The following HK1 variants were observed in gnomAD, a reference collection of about 807,000 sequenced individuals.
HK1 encodes hexokinase 1, also known as hexokinase-1.
Under a neutral mutation model 91.6 loss-of-function variants are expected in HK1, and 28 were observed. The observed-to-expected ratio is 0.31, with a 90% confidence interval of 0.23 to 0.42. The LOEUF (loss-of-function observed/expected upper bound fraction) is 0.42. HK1 is among the 10% of genes least tolerant of loss of function. HK1 has a pLI of 1.00. For missense variants in HK1, 770 were observed against 1,219.8 expected (o/e 0.63, Z 5.49); for synonymous variants, 430 against 468.1 (o/e 0.92, Z 1.05).
At chr10:69,372,837 G>C (rs1033009008) in intron 7 of HK1, among the ~76,000 whole-genome samples, 2 of 152,042 alleles carry the variant, frequency 1.3e-5, no homozygotes, top group Admixed American at 6.6e-5. Flanking sequence ...CTCCCTGGGC[G>C]ATTCCAATTT....
At chr10:69,357,642 A>AG (rs1491256363) in intron 2 of HK1, among the ~76,000 whole-genome samples, 1 of 152,020 alleles carries the variant, frequency 6.6e-6, no homozygotes, top group Non-Finnish European at 1.5e-5. Context: ...TGGTAGAGAC[A>AG]GGGGCTCGCC....
intron 5 of HK1, among the ~76,000 whole-genome samples, chr10:69,303,214 T>C (rs1189363166): frequency 6.6e-6 from 1 of 152,128 alleles, no homozygotes; most frequent in Admixed American, 6.6e-5. Flanking sequence ...GGGAGGCTGA[T>C]ATGGGGCAGC....
Position 69,382,700 on chromosome 10 carries a change from C to G in HK1, c.1479C>G (p.Ala493=), listed in dbSNP as rs141299323. ...MLLEVKKRMR[A]EMELGLRKQT... ...TGGAGGTGAAGAAGAGGATGCGGGC[C>G]GAGATGGAGCTGGGGCTGAGGAAGC... The change falls in exon 10 of 18, where the codon GCC becomes GCG. Residue 493 remains alanine (A), a synonymous_variant. Coordinates refer to ENST00000359426, the MANE Select transcript of HK1 (RefSeq NM_000188.3). The G allele has an allele frequency of 6.2e-7, 1 of 1,613,430 alleles. No homozygotes were observed. Among genetic ancestry groups the G allele is most frequent in the African/African-American group, 1.3e-5 (1 of 74,912 alleles).
intron 4 of HK1, chr10:69,300,761 C>T: frequency 6.5e-7 from 1 of 1,540,204 alleles, no homozygotes; most frequent in South Asian, 1.1e-5. Context: ...GTTTGTCTCT[C>T]TTTTCAGCAT....
rs1197125902 is a variant in HK1, at chr10:69,366,668, CT to C, written c.495+1767del. Among the ~76,000 whole-genome samples, 4 of 152,300 alleles carry C rather than the reference CT, an allele frequency of 2.6e-5. No homozygotes were observed. The East Asian group carries it at 7.7e-4, about 29-fold the overall frequency. The stretch of plus-strand genomic sequence containing the variant: ...CTGTGGCCATATGTAGACTCTTAAT[CT>C]GGTTCTGGTATCTGAGAACGCCCCT... On this transcript the variant is annotated intron_variant, in intron 4 of 17. Transcript: ENST00000359426.
intron 2 of HK1, among the ~76,000 whole-genome samples, chr10:69,350,868 A>C (rs930254834): frequency 6.6e-6 from 1 of 152,026 alleles, no homozygotes; most frequent in Non-Finnish European, 1.5e-5. Flanking sequence ...TTAGAGAATG[A>C]AGCAAAATAA....
At chr10:69,362,434 GTTT>G (rs34834335) in intron 3 of HK1, among the ~76,000 whole-genome samples, 3 of 135,466 alleles carry the variant, frequency 2.2e-5, no homozygotes, top group African/African-American at 5.2e-5. Flanking sequence ...AGAAAATAAT[GTTT>G]TTTTTTTTTT....
chr10:69,315,698 C>G, upstream of HK1: 1 of 547,280 alleles, frequency 1.8e-6, no homozygotes, highest in South Asian at 1.9e-5. Flanking sequence ...AGGAAGCTGT[C>G]TGATTGGGGC....
chr10:69,318,199 G>A (rs918431018), upstream of HK1: 32 of 985,342 alleles, frequency 3.2e-5, no homozygotes, highest in Non-Finnish European at 3.5e-5. Context: ...GGCGGGGCAC[G>A]CCGGGGAGAG....
chr10:69,376,815 C>T (rs927343911), intron 7 of HK1, 119 bp from the exon 8 acceptor site: 43 of 1,298,552 alleles, frequency 3.3e-5, no homozygotes, highest in Middle Eastern at 2.6e-4. Context: ...TGCCTGCCAG[C>T]GAGGCTGGGG....
chr10:69,375,295 T>TA (rs1158056188), intron 7 of HK1, among the ~76,000 whole-genome samples: 1 of 152,230 alleles, frequency 6.6e-6, no homozygotes, highest in Admixed American at 6.5e-5. Flanking sequence ...ATCCTCCATA[T>TA]AACCTTACAG....
intron 5 of HK1, among the ~76,000 whole-genome samples, chr10:69,305,824 G>A (rs921755311): frequency 1.5e-4 from 22 of 151,002 alleles, no homozygotes; most frequent in Admixed American, 1.1e-3. Flanking sequence ...CTGCACTCCA[G>A]CCTGGGCGAC....
rs930261571 is a variant in HK1 at position 69,401,659 on chromosome 10, G to A, written c.*524G>A. ...CACTGTGGCCTGGCATCGCATCGTG[G>A]TGTGTCAATGCCACAAAATCGTGTG... On this transcript the variant is annotated 3_prime_UTR_variant, in exon 18 of 18. Coordinates refer to ENST00000359426, the MANE Select transcript of HK1 (RefSeq NM_000188.3). 1.4e-5 allele frequency: 5 copies of A among 348,312 alleles called. No individual in the cohort carries two copies. The highest frequency in any genetic ancestry group is 2.8e-5 in the Non-Finnish European group (5 of 178,454). 21.6% of individuals were successfully genotyped at this position (348,312 alleles called of 1,614,324 possible). A position where few individuals can be genotyped will look rare whatever the true frequency, so the allele number is the denominator to read the frequency against.
At chr10:69,347,329 G>A (rs1483548105) in intron 2 of HK1, among the ~76,000 whole-genome samples, 1 of 151,746 alleles carries the variant, frequency 6.6e-6, no homozygotes, top group African/African-American at 2.4e-5. Context: ...CCTCTTTTCA[G>A]AGGGGAGGCA....
upstream of HK1, among the ~76,000 whole-genome samples, chr10:69,315,126 T>C (rs1846569162): frequency 6.6e-6 from 1 of 152,234 alleles, no homozygotes; most frequent in Admixed American, 6.5e-5. Context: ...TAAGTGCAGA[T>C]AATGATATTT....
intron 1 of HK1, among the ~76,000 whole-genome samples, chr10:69,325,044 A>ATTTTTTT (rs1046990181): frequency 4.6e-4 from 43 of 93,878 alleles, no homozygotes; most frequent in Non-Finnish European, 5.7e-4. Context: ...AAAAATGTGT[A>ATTTTTTT]TTTTTTTTTT....
At chr10:69,298,633 G>GA (rs35104096) in intron 4 of HK1, among the ~76,000 whole-genome samples, 3,230 of 150,122 alleles carry the variant, frequency 0.022, 196 homozygotes, top group African/African-American at 0.074. Flanking sequence ...CTCTTAAAAG[G>GA]AAAAAAAAAA....
intron 12 of HK1, among the ~76,000 whole-genome samples, chr10:69,385,474 C>G (rs1199423858): frequency 6.6e-6 from 1 of 152,212 alleles, no homozygotes; most frequent in East Asian, 1.9e-4. Context: ...GTCCCTAACA[C>G]CAGCAGCTCC....
rs75352364 is a variant in HK1 at position 69,282,049 on chromosome 10, A to T, written c.-390-480A>T. Among the ~76,000 whole-genome samples, 203 of 152,334 alleles carry T rather than the reference A, an allele frequency of 1.3e-3. 1 individual carries two copies. The highest frequency in any genetic ancestry group is 2.9e-3 in the East Asian group (15 of 5,188). On this transcript the variant is annotated intron_variant, in intron 1 of 21. Coordinates refer to the HK1 transcript ENST00000360289. ...CCATAAAACAAAGAATTAAGGCTCC[A>T]GGGCTGAAGAGACCTAAGTACAACA...
Sources: gnomAD v4.1 joint callset for allele counts (sites outside exome capture counted in the v4.1 genomes callset) on GRCh38, gnomAD v4.1.1 for gene constraint, MANE v1.5 for transcripts, NCBI Gene and HGNC (gene_info 2026-07-23, HGNC 2026-07-21) for gene names.